FKBP4: variants seen among roughly 807,000 people sequenced by gnomAD.
FKBP4 encodes the protein FKBP prolyl isomerase 4, also known as peptidyl-prolyl cis-trans isomerase FKBP4.
FKBP4 carries 28 observed loss-of-function variants against 54.1 expected under a neutral mutation model. The ratio of observed to expected loss-of-function variants is 0.52; its 90% CI spans 0.38 to 0.71. The LOEUF (loss-of-function observed/expected upper bound fraction) is 0.71. FKBP4 is among the 30% of genes least tolerant of loss of function. FKBP4 has a pLI of 0.00. For missense variants in FKBP4, 493 were observed against 574.4 expected, an observed-to-expected ratio of 0.86 and a Z score of 1.45; for synonymous variants, 223 against 216.1, an observed-to-expected ratio of 1.03 and a Z score of -0.28.
At chr12:2,799,034 C>T in intron 4 of FKBP4, 54 bp from the exon 5 acceptor site, 2 of 1,514,204 alleles carry the variant, frequency 1.3e-6, no homozygotes, top group Non-Finnish European at 1.8e-6. Flanking sequence ...TGGCATCCTT[C>T]CTCAGTCACC....
At chr12:2,797,960 G>A in intron 3 of FKBP4, 89 bp downstream of exon 3, 1 of 1,491,620 alleles carries the variant, frequency 6.7e-7, no homozygotes, top group Non-Finnish European at 9.1e-7. Flanking sequence ...CCTGCTTCTT[G>A]GAGACAATGT....
chr12:2,796,059 C>T (rs2097901650), intron 1 of FKBP4: 1 of 1,182,304 alleles, frequency 8.5e-7, no homozygotes, highest in South Asian at 1.6e-5. Context: ...GGGAGGGCAT[C>T]TTGACCTGGG....
rs2097903346 is a variant in FKBP4 at position 2,798,961 on chromosome 12, AT to A, written c.515-126del. 1.4e-6 allele frequency: 2 copies of A among 1,390,332 alleles called. No individual in the cohort carries two copies. The highest frequency in any genetic ancestry group is 4.6e-5 in the East Asian group (2 of 43,168). 86.1% of individuals were successfully genotyped at this position (1,390,332 alleles called of 1,614,324 possible). On this transcript the variant is annotated intron_variant, in intron 4 of 9. Coordinates refer to ENST00000001008, the MANE Select transcript of FKBP4 (RefSeq NM_002014.4). This position sits in a 1 kb window ranked among gnomAD's most constrained non-coding sequence, Gnocchi z 4.3. Reference sequence around the variant, plus strand: ...AGGGGTTGGACCATATTCTCTTCATATCACTCCAGATTTGAGAACACAGGAG... The same window carrying A: ...AGGGGTTGGACCATATTCTCTTCATACACTCCAGATTTGAGAACACAGGAG...
chr12:2,804,850 G>A lies in FKBP4; in HGVS notation c.*1592G>A, dbSNP rs977556194. On this transcript the variant is annotated 3_prime_UTR_variant, in exon 10 of 10. Transcript: ENST00000001008. ...GTATCCCTTGAGCCCAAGACACCAA[G>A]GATGCAGAGAACTGTGACTGTGCCA... 1.1e-5 allele frequency: 2 copies of A among 177,706 alleles called. No homozygotes were observed. The highest frequency in any genetic ancestry group is 1.1e-4 in the South Asian group (1 of 9,164). The allele number at this position is 177,706 out of a possible 1,614,324, so 11.0% of individuals were successfully genotyped here.
At position 2,801,245 on chromosome 12, in the gene FKBP4, AGCC is replaced by A. The variant is rs1362753022; in HGVS notation, c.1165_1167del (p.Ala389del). The A allele has an allele frequency of 6.2e-7, 1 of 1,613,440 alleles. No homozygotes were observed. The highest frequency in any genetic ancestry group is 8.5e-7 in the Non-Finnish European group (1 of 1,180,052). ...TCCTGCAGCTCTACCCCAACAACAA[AGCC>A]GCCAAGACCCAGCTGGCTGTGTGCC... is the stretch of plus-strand genomic sequence containing the variant. On this transcript the variant is annotated inframe_deletion, in exon 9 of 10. Coordinates refer to ENST00000001008, the MANE Select transcript of FKBP4 (RefSeq NM_002014.4).
In FKBP4 at chr12:2,800,072, A is replaced by G; in HGVS notation, c.796A>G (p.Lys266Glu). 1 of 1,614,072 alleles carries G rather than the reference A, an allele frequency of 6.2e-7. No individual in the cohort carries two copies. Among genetic ancestry groups the G allele is most frequent in the Non-Finnish European group, 8.5e-7 (1 of 1,180,040 alleles). Residue 266 changes from lysine (K) to glutamate (E), a missense_variant, in exon 7 of 10, where the codon AAG becomes GAG. Transcript: ENST00000001008. ...GTCTTGGGAGATGAATTCAGAAGAG[A>G]AGCTGGAACAGAGCACCATAGTGAA... Reference protein sequence around the residue: ...KESWEMNSEEKLEQSTIVKER... With the variant: ...KESWEMNSEEELEQSTIVKER...
Position 2,795,034 on chromosome 12 carries a change from C to A in FKBP4, c.-106C>A, listed in dbSNP as rs1171157210. 2 of 581,754 alleles carry A rather than the reference C, an allele frequency of 3.4e-6. No homozygotes were observed. Among genetic ancestry groups the A allele is most frequent in the African/African-American group, 2.0e-5 (1 of 50,538 alleles). 36.0% of individuals were successfully genotyped at this position (581,754 alleles called of 1,614,324 possible). On this transcript the variant is annotated 5_prime_UTR_variant, in exon 1 of 10. Coordinates refer to ENST00000001008, the MANE Select transcript of FKBP4 (RefSeq NM_002014.4). This position sits in a 1 kb window ranked among gnomAD's most constrained non-coding sequence, Gnocchi z 4.3. ...CCTCCTCGCGGTCCGCAGTCAGTGC[C>A]GCCGCGCCCGGCCTCCCGCACGCCC...
intron 7 of FKBP4, 84 bp from the exon 8 acceptor site, chr12:2,800,308 C>T (rs2097904035): frequency 1.4e-6 from 2 of 1,463,148 alleles, no homozygotes; most frequent in Non-Finnish European, 1.9e-6. Flanking sequence ...CCTCTTGTGG[C>T]CATGTGTCAC....
intron 1 of FKBP4, chr12:2,796,704 C>T: frequency 9.3e-7 from 1 of 1,070,684 alleles, no homozygotes; most frequent in South Asian, 2.7e-5. Context: ...AGTCTGACGA[C>T]CACTGGCATG....
In FKBP4 at chr12:2,795,347, G is replaced by A; in HGVS notation, c.105+103G>A. On this transcript the variant is annotated intron_variant, in intron 1 of 9. Coordinates refer to ENST00000001008, the MANE Select transcript of FKBP4 (RefSeq NM_002014.4). This position sits in a 1 kb window ranked among gnomAD's most constrained non-coding sequence, Gnocchi z 4.3. Reference sequence around the variant, plus strand: ...CGGCCGGGCACGGGTCGAGGCGGCCGCCTTTGCAGCCTCGCGGCCGTCCCG... The same window carrying A: ...CGGCCGGGCACGGGTCGAGGCGGCCACCTTTGCAGCCTCGCGGCCGTCCCG... The A allele has an allele frequency of 2.6e-6, 1 of 390,188 alleles. No homozygotes were observed. Among genetic ancestry groups the A allele is most frequent in the Non-Finnish European group, 3.7e-6 (1 of 269,918 alleles). 24.2% of individuals were successfully genotyped at this position (390,188 alleles called of 1,614,324 possible).
Position 2,800,403 on chromosome 12 carries a change from CA to C in FKBP4, c.860del (p.Lys287SerfsTer44), listed in dbSNP as rs1250272346. 1 of 1,610,708 alleles carries C rather than the reference CA, an allele frequency of 6.2e-7. No homozygotes were observed. Among genetic ancestry groups the C allele is most frequent in the African/African-American group, 1.3e-5 (1 of 74,962 alleles). The part of the protein sequence containing the change: ...GTVYFKEGKY[K>X]QALLQYKKIV... Reference sequence around the variant, plus strand: ...CTCTCCCATTCCAGGAAGGTAAATACAAGCAAGCTTTACTACAGTATAAGAA... The same window carrying C: ...CTCTCCCATTCCAGGAAGGTAAATACAGCAAGCTTTACTACAGTATAAGAA... On this transcript the variant is annotated frameshift_variant, in exon 8 of 10. Transcript: ENST00000001008. LOFTEE classifies it high-confidence loss of function.
rs763938921 is a variant in FKBP4, at chr12:2,801,134, C to T, written c.1050C>T (p.Ser350=). The T allele has an allele frequency of 3.1e-6, 5 of 1,613,808 alleles. No individual in the cohort carries two copies. The highest frequency in any genetic ancestry group is 3.4e-6 in the Non-Finnish European group (4 of 1,179,898). ...TTCTTTAGGCCCTAGAACTGGACAGCAACAACGAGAAGGGCCTCTTCCGCC... is the reference window on the plus strand; with the variant it reads ...TTCTTTAGGCCCTAGAACTGGACAGTAACAACGAGAAGGGCCTCTTCCGCC... The part of the protein sequence containing the change: ...ESCNKALELD[S]NNEKGLFRRG... The change falls in exon 9 of 10, where the codon AGC becomes AGT. Residue 350 remains serine, a synonymous_variant. Transcript: ENST00000001008.
At chr12:2,797,651 A>G (rs2097902640) in intron 2 of FKBP4, 78 bp from the exon 3 acceptor site, 1 of 1,510,662 alleles carries the variant, frequency 6.6e-7, no homozygotes, top group Admixed American at 2.0e-5. Flanking sequence ...AGTGTGGTGC[A>G]GTAACTCTTC....
At position 2,797,822 on chromosome 12, in the gene FKBP4, C is replaced by T. The variant is rs1408516657; in HGVS notation, c.344C>T (p.Ser115Leu). Residue 115 changes from serine (S) to leucine (L), a missense_variant, in exon 3 of 10, where the codon TCA becomes TTA. Coordinates refer to ENST00000001008, the MANE Select transcript of FKBP4 (RefSeq NM_002014.4). ...TGCAAACCAGAATATGCCTACGGTT[C>T]AGCAGGCAGTCCTCCAAAGATTCCC... ...ITCKPEYAYG[S>L]AGSPPKIPPN... 6.2e-7 allele frequency: 1 copy of T among 1,614,074 alleles called. No homozygotes were observed. Among genetic ancestry groups the T allele is most frequent in the Non-Finnish European group, 8.5e-7 (1 of 1,179,982 alleles).
At chr12:2,801,587 C>A in intron 9 of FKBP4, 1 of 639,586 alleles carries the variant, frequency 1.6e-6, no homozygotes, top group Non-Finnish European at 2.8e-6. Context: ...AGTGTAATTC[C>A]CGATTTATGT....
chr12:2,795,186 C>T lies in FKBP4; in HGVS notation c.47C>T (p.Ala16Val), dbSNP rs565460723. 2.3e-6 allele frequency: 3 copies of T among 1,322,006 alleles called. No individual in the cohort carries two copies. Among genetic ancestry groups the T allele is most frequent in the Non-Finnish European group, 2.9e-6 (3 of 1,027,058 alleles). 81.9% of individuals were successfully genotyped at this position (1,322,006 alleles called of 1,614,324 possible). The change falls in exon 1 of 10, where the codon GCG becomes GTG. Residue 16 changes from alanine (A) to valine (V), a missense_variant. Ala to Val is a moderately conservative substitution (Grantham distance 64). Coordinates refer to ENST00000001008, the MANE Select transcript of FKBP4 (RefSeq NM_002014.4). The surrounding 1 kb of genome is among the most constrained non-coding windows in gnomAD (Gnocchi z 4.3). ...MKATESGAQS[A>V]PLPMEGVDIS... ...GCGACCGAGAGCGGGGCGCAGTCGGCGCCGCTGCCCATGGAGGGAGTGGAC... is the reference window on the plus strand; with the variant it reads ...GCGACCGAGAGCGGGGCGCAGTCGGTGCCGCTGCCCATGGAGGGAGTGGAC...
Position 2,795,941 on chromosome 12 carries a change from G to A in FKBP4, c.105+697G>A, listed in dbSNP as rs1184948797. ...GGAGCTGTAGTCCCCTCCCCCCTCC[G>A]CCGCCTCCCGGAGCCAGGGCTGCGG... On this transcript the variant is annotated intron_variant, in intron 1 of 9. Coordinates refer to ENST00000001008, the MANE Select transcript of FKBP4 (RefSeq NM_002014.4). The surrounding 1 kb of genome is among the most constrained non-coding windows in gnomAD (Gnocchi z 4.3). 2.9e-6 allele frequency: 3 copies of A among 1,021,914 alleles called. No homozygotes were observed. The highest frequency in any genetic ancestry group is 3.5e-6 in the Non-Finnish European group (3 of 850,674). The allele number at this position is 1,021,914 out of a possible 1,614,324, so 63.3% of individuals were successfully genotyped here.
rs781439481 is a variant in FKBP4, at chr12:2,796,324, TCTCG to T, written c.106-810_106-807del. 4.7e-6 allele frequency: 6 copies of T among 1,289,186 alleles called. No individual in the cohort carries two copies. In the South Asian group the frequency reaches 7.4e-5, roughly 16 times the overall value. The allele number at this position is 1,289,186 out of a possible 1,614,324, so 79.9% of individuals were successfully genotyped here. A position where few individuals can be genotyped will look rare whatever the true frequency, so the allele number is the denominator to read the frequency against. On this transcript the variant is annotated intron_variant, in intron 1 of 9. Transcript: ENST00000001008. ...TCTCCTGTGGCATGTGACTTCCCCTTCTCGCTCCAGCGTCCTGCCGTTTTCTACG... is the reference window on the plus strand; with the variant it reads ...TCTCCTGTGGCATGTGACTTCCCCTTCTCCAGCGTCCTGCCGTTTTCTACG...
intron 6 of FKBP4, 38 bp from the exon 7 acceptor site, chr12:2,800,001 G>T (rs753128298): frequency 3.1e-6 from 5 of 1,613,326 alleles, no homozygotes; most frequent in Non-Finnish European, 4.2e-6. Context: ...TGACTCTGGG[G>T]TAGCTGACAA....
Sources: allele counts gnomAD v4.1 joint callset, GRCh38; gene constraint gnomAD v4.1.1; non-coding constraint Gnocchi (gnomAD v3.1); transcripts MANE v1.5; gene names NCBI Gene and HGNC (gene_info 2026-07-23, HGNC 2026-07-21).